CCDC30: variants seen among roughly 807,000 people sequenced by gnomAD.
The protein encoded by CCDC30 is coiled-coil domain-containing protein 30.
In CCDC30, 70 loss-of-function variants were observed where a neutral mutation model predicts 100.2. That is an observed-to-expected ratio of 0.70 (90% CI 0.58 to 0.85). CCDC30 has a LOEUF of 0.85. Ranked by LOEUF, CCDC30 falls within the 40% of genes least tolerant of loss-of-function variation. The probability of loss-of-function intolerance (pLI) is 0.00; values close to 1 mark genes in which losing one functional copy is unlikely to be tolerated. For synonymous variants in CCDC30, 233 were observed against 269.5 expected (o/e 0.86, Z 1.33); for missense variants, 652 against 771.2 (o/e 0.85, Z 1.83).
At chr1:42,631,747 C>T (rs1647042059) in intron 11 of CCDC30, among the ~76,000 whole-genome samples, 1 of 152,226 alleles carries the variant, frequency 6.6e-6, no homozygotes, top group Non-Finnish European at 1.5e-5. Context: ...ACCCTCACCT[C>T]ATAGCCATTA....
At chr1:42,626,915 G>A (rs571708800) in intron 11 of CCDC30, among the ~76,000 whole-genome samples, 267 of 152,148 alleles carry the variant, frequency 1.8e-3, no homozygotes, top group African/African-American at 6.0e-3. Flanking sequence ...GTGTGAAAAC[G>A]AACTAATACA....
intron 8 of CCDC30, among the ~76,000 whole-genome samples, chr1:42,578,238 AT>A (rs1476858394): frequency 2.0e-5 from 3 of 152,248 alleles, no homozygotes; most frequent in Admixed American, 6.5e-5. Flanking sequence ...AACTAAAAAA[AT>A]CTAATGTTGA....
intron 3 of CCDC30, among the ~76,000 whole-genome samples, chr1:42,488,889 G>T (rs1343118082): frequency 6.6e-6 from 1 of 152,116 alleles, no homozygotes; most frequent in African/African-American, 2.4e-5. Context: ...AGGTCTTTCT[G>T]GTTTGGCCTC....
intron 10 of CCDC30, among the ~76,000 whole-genome samples, chr1:42,603,528 C>A (rs1306981821): frequency 6.6e-6 from 1 of 152,180 alleles, no homozygotes; most frequent in African/African-American, 2.4e-5. Flanking sequence ...GGGAAACTTC[C>A]ACATCATGTG....
intron 11 of CCDC30, among the ~76,000 whole-genome samples, chr1:42,611,291 G>A (rs531329447): frequency 6.6e-6 from 1 of 152,140 alleles, no homozygotes; most frequent in African/African-American, 2.4e-5. Context: ...TCAAGAGAGG[G>A]AAGGAGAAGG....
intron 3 of CCDC30, among the ~76,000 whole-genome samples, chr1:42,486,726 T>C (rs999290113): frequency 6.6e-6 from 1 of 152,170 alleles, no homozygotes; most frequent in African/African-American, 2.4e-5. Context: ...ATCTTAGCTT[T>C]GAATATGAAC....
chr1:42,581,790 C>T (rs1410904895), intron 9 of CCDC30, among the ~76,000 whole-genome samples: 1 of 152,138 alleles, frequency 6.6e-6, no homozygotes, highest in African/African-American at 2.4e-5. Context: ...AGTAAATATT[C>T]TTGACTGACT....
At chr1:42,545,648 A>C (rs751740484) in intron 6 of CCDC30, 69 bp downstream of exon 9, 3 of 1,419,694 alleles carry the variant, frequency 2.1e-6, no homozygotes, top group Non-Finnish European at 2.9e-6. Flanking sequence ...CTTGATCATT[A>C]TAAGAATTTG....
chr1:42,472,190 G>A (rs774886937), intron 1 of CCDC30, among the ~76,000 whole-genome samples: 9 of 152,010 alleles, frequency 5.9e-5, no homozygotes, highest in Admixed American at 1.3e-4. Context: ...GGAGGCAGAG[G>A]TACAGTGAGC....
At chr1:42,632,229 G>A (rs1342575902) in intron 11 of CCDC30, among the ~76,000 whole-genome samples, 4 of 152,206 alleles carry the variant, frequency 2.6e-5, no homozygotes, top group East Asian at 3.9e-4. Context: ...TCAAAGGAGC[G>A]GGTTTCCTTA....
intron 9 of CCDC30, among the ~76,000 whole-genome samples, chr1:42,587,079 C>T (rs369477146): frequency 1.3e-3 from 199 of 152,262 alleles, no homozygotes; most frequent in African/African-American, 4.5e-3. Context: ...TTCACTGCAG[C>T]CTTGACCTCC....
chr1:42,456,787 A>G, the CCDC30 span: 1 of 1,613,092 alleles, frequency 6.2e-7, no homozygotes, highest in Non-Finnish European at 8.5e-7. Flanking sequence ...AGGCCTTCCT[A>G]GCCGCCGGCT....
Position 42,556,100 on chromosome 1 carries a change from G to T in CCDC30, c.457-10196G>T, listed in dbSNP as rs919366994. ...TCTTGACTTGTAGCTTTTTTTTCCCGATTCTACTACTATAATAAGCATTTT... is the reference window on the plus strand; with the variant it reads ...TCTTGACTTGTAGCTTTTTTTTCCCTATTCTACTACTATAATAAGCATTTT... On this transcript the variant is annotated intron_variant, in intron 6 of 16. Transcript: ENST00000668663. 2.6e-6 allele frequency: 4 copies of T among 1,523,820 alleles called. No individual in the cohort carries two copies. In the Admixed American group the frequency reaches 6.4e-5, roughly 24 times the overall value. 94.4% of individuals were successfully genotyped at this position (1,523,820 alleles called of 1,614,324 possible). A position where few individuals can be genotyped will look rare whatever the true frequency, so the allele number is the denominator to read the frequency against.
intron 6 of CCDC30, among the ~76,000 whole-genome samples, chr1:42,524,526 G>T (rs1644694950): frequency 6.6e-6 from 1 of 152,146 alleles, no homozygotes; most frequent in Admixed American, 6.5e-5. Flanking sequence ...ATGGGTGGAG[G>T]TGCAAAAACA....
At position 42,465,297 on chromosome 1, in the gene CCDC30, T is replaced by C. The variant is rs138226045; in HGVS notation, c.-92+1399T>C. ...CTGCGCTCCAACCTGGGCTACAGAG[T>C]GAGACCCTGTCTCAAAAAAAATAAA... On this transcript the variant is annotated intron_variant, in intron 1 of 16. Coordinates refer to ENST00000668663, the Ensembl canonical transcript of CCDC30. 6.8e-3 allele frequency among the ~76,000 whole-genome samples: 1,033 copies of C among 152,254 alleles called. 11 individuals carry two copies. The highest frequency in any genetic ancestry group is 0.024 in the African/African-American group (985 of 41,538).
At chr1:42,492,171 G>T in intron 4 of CCDC30, 1 of 247,184 alleles carries the variant, frequency 4.0e-6, no homozygotes, top group South Asian at 5.4e-5. Context: ...AACACAATCT[G>T]ATACAGAAGG....
chr1:42,553,433 T>G (rs962049357), intron 6 of CCDC30, among the ~76,000 whole-genome samples: 1 of 151,938 alleles, frequency 6.6e-6, no homozygotes, highest in Non-Finnish European at 1.5e-5. Flanking sequence ...ATGGTAAAAA[T>G]AGGGGGAAAG....
intron 6 of CCDC30, among the ~76,000 whole-genome samples, chr1:42,560,361 ATTG>A (rs913606834): frequency 2.0e-5 from 3 of 151,760 alleles, no homozygotes; most frequent in African/African-American, 7.3e-5. Context: ...AGCTGTTTTT[ATTG>A]TTGTTGTTGT....
intron 6 of CCDC30, among the ~76,000 whole-genome samples, chr1:42,533,230 TAG>T (rs537217958): frequency 1.5e-3 from 224 of 152,234 alleles, no homozygotes; most frequent in African/African-American, 5.1e-3. Context: ...TGTGGCAAGT[TAG>T]AGAGTCAGTT....
Sources: allele counts gnomAD v4.1 joint callset (sites outside exome capture counted in the v4.1 genomes callset), GRCh38; gene constraint gnomAD v4.1.1; transcripts MANE v1.5; gene names NCBI Gene and HGNC (gene_info 2026-07-23, HGNC 2026-07-21).